PIP5K1B: variants seen among roughly 807,000 people sequenced by gnomAD.
The protein encoded by PIP5K1B is phosphatidylinositol 4-phosphate 5-kinase type-1 beta.
PIP5K1B carries 42 observed loss-of-function variants against 67.0 expected under a neutral mutation model. That is an observed-to-expected ratio of 0.63 (90% CI 0.49 to 0.81). PIP5K1B has a LOEUF of 0.81. PIP5K1B is among the 30% of genes least tolerant of loss of function. The probability of loss-of-function intolerance (pLI) is 0.00; values close to 1 mark genes in which losing one functional copy is unlikely to be tolerated. For synonymous variants in PIP5K1B, 214 were observed against 231.4 expected, an observed-to-expected ratio of 0.92 and a Z score of 0.68; for missense variants, 459 against 646.3, an observed-to-expected ratio of 0.71 and a Z score of 3.14.
At chr9:68,935,336 C>T (rs1037711442) in intron 13 of PIP5K1B, among the ~76,000 whole-genome samples, 7 of 151,970 alleles carry the variant, frequency 4.6e-5, no homozygotes, top group Admixed American at 2.0e-4. Context: ...GGCGTGATAG[C>T]GGGCGCCTGT....
chr9:68,735,462 C>T (rs984998444), intron 1 of PIP5K1B, among the ~76,000 whole-genome samples: 34 of 151,996 alleles, frequency 2.2e-4, no homozygotes, highest in Admixed American at 1.6e-3. Flanking sequence ...GATCTCAGCT[C>T]ACTGAAACCT....
intron 2 of PIP5K1B, among the ~76,000 whole-genome samples, chr9:68,772,067 G>A (rs1830693486): frequency 6.6e-6 from 1 of 152,164 alleles, no homozygotes; most frequent in Admixed American, 6.5e-5. Flanking sequence ...ATCTTAAAGT[G>A]TCTTAGAGGC....
At chr9:68,918,087 A>ATTTTTTTTT (rs200797718) in intron 9 of PIP5K1B, among the ~76,000 whole-genome samples, 1 of 133,016 alleles carries the variant, frequency 7.5e-6, no homozygotes, top group Non-Finnish European at 1.7e-5. Flanking sequence ...TTTATTGTTT[A>ATTTTTTTTT]TTTATTTATT....
intron 14 of PIP5K1B, among the ~76,000 whole-genome samples, chr9:68,985,730 C>A (rs1430729476): frequency 6.6e-6 from 1 of 152,256 alleles, no homozygotes; most frequent in Non-Finnish European, 1.5e-5. Flanking sequence ...CCTGCACTCA[C>A]AGTCTCTTCA....
intron 2 of PIP5K1B, chr9:68,780,926 T>C (rs2132456818): frequency 6.2e-7 from 1 of 1,614,212 alleles, no homozygotes; most frequent in East Asian, 2.2e-5. Flanking sequence ...CCGGATCTTC[T>C]TGTAACTCAC....
At chr9:68,969,838 A>G (rs1248144936) in intron 14 of PIP5K1B, among the ~76,000 whole-genome samples, 2 of 152,224 alleles carry the variant, frequency 1.3e-5, no homozygotes, top group Non-Finnish European at 2.9e-5. Context: ...AACAAGGGGA[A>G]TCAGTGTTTG....
Position 68,780,109 on chromosome 9 carries a change from G to A in PIP5K1B, c.-86+37452G>A, listed in dbSNP as rs1220800538. The A allele has an allele frequency of 3.2e-5, 48 of 1,477,688 alleles. No homozygotes were observed. In the East Asian group the frequency reaches 4.7e-4, roughly 14 times the overall value. 91.5% of individuals were successfully genotyped at this position (1,477,688 alleles called of 1,614,324 possible). A position where few individuals can be genotyped will look rare whatever the true frequency, so the allele number is the denominator to read the frequency against. On this transcript the variant is annotated intron_variant, in intron 2 of 15. Coordinates refer to ENST00000265382, the MANE Select transcript of PIP5K1B (RefSeq NM_003558.4). ...CAGCGGCGGCGGCCCTGGACTGCGG[G>A]GAATGGGAATCCTAGGTCCCTGACT...
intron 2 of PIP5K1B, chr9:68,779,933 G>A (rs1471477086): frequency 1.9e-5 from 9 of 478,066 alleles, no homozygotes; most frequent in Non-Finnish European, 3.2e-5. Context: ...ACGGACTAGC[G>A]GCCCGACCAC....
chr9:68,923,305 A>T lies in PIP5K1B; in HGVS notation c.1120A>T (p.Thr374Ser). 1 of 1,584,568 alleles carries T rather than the reference A, an allele frequency of 6.3e-7. No individual in the cohort carries two copies. Among genetic ancestry groups the T allele is most frequent in the Non-Finnish European group, 8.6e-7 (1 of 1,157,538 alleles). ...TCCTGGGTTTTTGTCTTTTCAGGAC[A>T]CTGTTTCTGTTCATAGACCAAGCTT... ...SWKALVYDGD[T>S]VSVHRPSFYA... The change falls in exon 12 of 16, where the codon ACT becomes TCT. Residue 374 changes from threonine to serine, a missense_variant. Thr to Ser is a moderately conservative substitution (Grantham distance 58). Transcript: ENST00000265382.
chr9:68,988,066 T>C (rs1301457764), intron 14 of PIP5K1B, among the ~76,000 whole-genome samples: 1 of 152,186 alleles, frequency 6.6e-6, no homozygotes, highest in African/African-American at 2.4e-5. Context: ...TTTAGGAAAT[T>C]CACACTGATG....
At position 68,799,084 on chromosome 9, in the gene PIP5K1B, A is replaced by G. The variant is rs144377890; in HGVS notation, c.-85-19377A>G. Among the ~76,000 whole-genome samples, 911 of 152,348 alleles carry G rather than the reference A, an allele frequency of 6.0e-3. 8 individuals carry two copies. Among genetic ancestry groups the G allele is most frequent in the African/African-American group, 0.021 (871 of 41,576 alleles). ...GGTGTTTGAGTTTTGTTTAGGACCT[A>G]TCTCTAATATGTTTTTGAGGATTCT... On this transcript the variant is annotated intron_variant, in intron 2 of 15. Coordinates refer to ENST00000265382, the MANE Select transcript of PIP5K1B (RefSeq NM_003558.4).
intron 2 of PIP5K1B, chr9:68,780,596 A>G (rs201313143): frequency 2.5e-6 from 4 of 1,614,218 alleles, no homozygotes; most frequent in Admixed American, 3.3e-5. Flanking sequence ...CTGTGTCACC[A>G]GCACCGTCAC....
intron 4 of PIP5K1B, among the ~76,000 whole-genome samples, chr9:68,846,250 T>A (rs952206356): frequency 6.6e-6 from 1 of 152,226 alleles, no homozygotes. Flanking sequence ...TGTTTCAGAT[T>A]GTTTTGTTTA....
intron 1 of PIP5K1B, among the ~76,000 whole-genome samples, chr9:68,742,059 T>C (rs1829035441): frequency 6.6e-6 from 1 of 152,232 alleles, no homozygotes; most frequent in Non-Finnish European, 1.5e-5. Context: ...TATTACTTGT[T>C]TCCTTGCATG....
chr9:68,991,277 C>T lies in PIP5K1B; in HGVS notation c.1620+20C>T. ...TATTTAGTAAGTAATTTTTTAGTTTCCTCTCCTCCACTTCTGGTTTGTAAA... is the reference window on the plus strand; with the variant it reads ...TATTTAGTAAGTAATTTTTTAGTTTTCTCTCCTCCACTTCTGGTTTGTAAA... On this transcript the variant is annotated intron_variant, in intron 15 of 15. Transcript: ENST00000265382. 7.8e-7 allele frequency: 1 copy of T among 1,284,048 alleles called. No individual in the cohort carries two copies. Among genetic ancestry groups the T allele is most frequent in the Non-Finnish European group, 1.1e-6 (1 of 878,936 alleles). The allele number at this position is 1,284,048 out of a possible 1,614,324, so 79.5% of individuals were successfully genotyped here.
chr9:68,915,683 C>T (rs958666315), intron 8 of PIP5K1B, among the ~76,000 whole-genome samples: 4 of 152,178 alleles, frequency 2.6e-5, no homozygotes, highest in African/African-American at 9.7e-5. Flanking sequence ...GTTATCAAGC[C>T]ATTCTTAGAT....
At chr9:68,832,499 C>T (rs948631953) in intron 4 of PIP5K1B, among the ~76,000 whole-genome samples, 1 of 152,196 alleles carries the variant, frequency 6.6e-6, no homozygotes, top group African/African-American at 2.4e-5. Flanking sequence ...CTGTCTGGTC[C>T]TGTGTCAGCT....
chr9:68,803,904 G>A (rs564279979), intron 2 of PIP5K1B, among the ~76,000 whole-genome samples: 1 of 152,334 alleles, frequency 6.6e-6, no homozygotes, highest in South Asian at 2.1e-4. Context: ...TTGAGAGCCT[G>A]CTGTGTGCAA....
At chr9:68,726,901 A>T (rs1012927039) in intron 1 of PIP5K1B, among the ~76,000 whole-genome samples, 1 of 151,942 alleles carries the variant, frequency 6.6e-6, no homozygotes, top group East Asian at 1.9e-4. Flanking sequence ...CATGTTGAGC[A>T]TCTTTTCATG....
Sources: allele counts gnomAD v4.1 joint callset (sites outside exome capture counted in the v4.1 genomes callset), GRCh38; gene constraint gnomAD v4.1.1; transcripts MANE v1.5; gene names NCBI Gene and HGNC (gene_info 2026-07-23, HGNC 2026-07-21).